RGS22: variants seen among roughly 807,000 people sequenced by gnomAD.
RGS22 encodes the protein regulator of G protein signaling 22, also known as regulator of G-protein signaling 22.
In RGS22, 148 loss-of-function variants were observed where a neutral mutation model predicts 172.9. The observed-to-expected ratio is 0.86, with a 90% CI of 0.75 to 0.98. The LOEUF is 0.98. Among genes scored for constraint, RGS22 ranks in the 50% least tolerant of loss-of-function variants. The pLI is 0.00. For missense variants in RGS22, 1,347 were observed against 1,440.8 expected, an observed-to-expected ratio of 0.93 and a Z score of 1.05; for synonymous variants, 458 against 480.2, an observed-to-expected ratio of 0.95 and a Z score of 0.60.
At chr8:100,068,299 G>C (rs1031070580) in intron 6 of RGS22, among the ~76,000 whole-genome samples, 3 of 151,986 alleles carry the variant, frequency 2.0e-5, no homozygotes, top group Admixed American at 6.6e-5. Context: ...CGGGAGAATC[G>C]CTTGAGCCAG....
At chr8:100,076,725 G>A (rs1472995122) in intron 4 of RGS22, among the ~76,000 whole-genome samples, 2 of 152,294 alleles carry the variant, frequency 1.3e-5, no homozygotes, top group South Asian at 4.1e-4. Flanking sequence ...GGGCACGGTG[G>A]TTCATCCCTG....
chr8:100,099,315 T>C (rs912345038), intron 2 of RGS22, among the ~76,000 whole-genome samples: 1 of 152,162 alleles, frequency 6.6e-6, no homozygotes, highest in African/African-American at 2.4e-5. Context: ...TAAGGCTTTC[T>C]CCTTGTACAA....
chr8:100,060,961 A>G (rs1810087531), intron 9 of RGS22, among the ~76,000 whole-genome samples: 1 of 152,218 alleles, frequency 6.6e-6, no homozygotes, highest in African/African-American at 2.4e-5. Flanking sequence ...TACTGGTACA[A>G]TAACAGACAC....
rs967341369 is a variant in RGS22, at chr8:100,086,161, T to C, written c.118-5806A>G. On this transcript the variant is annotated intron_variant, in intron 3 of 27. Transcript: ENST00000360863. ...AGATAAAGGAGCATGACACCTACCA[T>C]GTACCCACAAAAATTAAAAATAAAA... Among the ~76,000 whole-genome samples, 106 of 152,084 alleles carry C rather than the reference T, an allele frequency of 7.0e-4. 1 individual carries two copies. The highest frequency in any genetic ancestry group is 2.3e-3 in the African/African-American group (94 of 41,508).
At chr8:99,995,716 A>C (rs544766782) in intron 20 of RGS22, among the ~76,000 whole-genome samples, 2 of 152,342 alleles carry the variant, frequency 1.3e-5, no homozygotes, top group East Asian at 3.9e-4. Flanking sequence ...TTCCTCAAGG[A>C]TCTAGAACTA....
chr8:100,104,988 T>G (rs1813809530), intron 2 of RGS22, among the ~76,000 whole-genome samples: 1 of 152,242 alleles, frequency 6.6e-6, no homozygotes, highest in Non-Finnish European at 1.5e-5. Context: ...AAAGGAATGA[T>G]AAATTGACCA....
rs185959379 is a variant in RGS22, at chr8:100,080,144, T to C, written c.329A>G (p.Tyr110Cys). 2.3e-5 allele frequency: 37 copies of C among 1,590,826 alleles called. No homozygotes were observed. The Admixed American group carries it at 4.9e-4, about 21-fold the overall frequency. The change falls in exon 4 of 28, where the codon TAC becomes TGC. Residue 110 changes from tyrosine (Y) to cysteine (C), a missense_variant. By Grantham distance (194) the Tyr-to-Cys change is radical. Transcript: ENST00000360863. ...PDEDETINVN[Y>C]NIMCLSREEG... ...AGTATACTTTCTTACCATAATATTG[T>C]AGTTGACATTAATGGTCTCATCTTC...
chr8:100,051,969 TTATATATAAATGTTTA>T (rs1821610284), intron 10 of RGS22, among the ~76,000 whole-genome samples: 2 of 62,492 alleles, frequency 3.2e-5, no homozygotes, highest in East Asian at 1.1e-3. Context: ...TTATATATAT[TTATATATAAATGTTTA>T]TATATATTTA....
chr8:100,000,077 C>T (rs958403535), intron 18 of RGS22, among the ~76,000 whole-genome samples: 1 of 152,106 alleles, frequency 6.6e-6, no homozygotes, highest in African/African-American at 2.4e-5. Context: ...TTGTAAAACA[C>T]AACTTCTTTG....
rs1182024171 is a variant in RGS22 at position 99,983,196 on chromosome 8, A to G, written c.3181-1080T>C. On this transcript the variant is annotated intron_variant, in intron 21 of 27. Transcript: ENST00000360863. ...TATATGTACCACATTTTCTTTATCA[A>G]TCTACTACTGATGGGCACCTGGGTT... Among the ~76,000 whole-genome samples the G allele has an allele frequency of 4.6e-5, 7 of 152,138 alleles. No individual in the cohort carries two copies. In the South Asian group the frequency reaches 8.3e-4, roughly 18 times the overall value.
At chr8:100,039,514 T>C (rs547441207) in intron 13 of RGS22, among the ~76,000 whole-genome samples, 88 of 151,992 alleles carry the variant, frequency 5.8e-4, no homozygotes, top group Admixed American at 4.5e-3. Flanking sequence ...GTAGCTGGGA[T>C]TACAGGCATG....
In RGS22 at chr8:99,994,061, G is replaced by A. The variant is rs541750295; in HGVS notation, c.3018+2401C>T. ...GCAGAAAAGGCCTTCAACAAATTCAGCAACCCTTCATGCTAAAAACTCTCA... is the reference window on the plus strand; with the variant it reads ...GCAGAAAAGGCCTTCAACAAATTCAACAACCCTTCATGCTAAAAACTCTCA... On this transcript the variant is annotated intron_variant, in intron 20 of 27. Coordinates refer to ENST00000360863, the MANE Select transcript of RGS22 (RefSeq NM_015668.5). 3.7e-3 allele frequency among the ~76,000 whole-genome samples: 566 copies of A among 152,110 alleles called. 4 individuals carry two copies. Among genetic ancestry groups the A allele is most frequent in the Middle Eastern group, 0.014 (4 of 294 alleles).
chr8:99,983,121 T>C (rs534846214), intron 21 of RGS22, among the ~76,000 whole-genome samples: 6 of 152,212 alleles, frequency 3.9e-5, no homozygotes, highest in Non-Finnish European at 8.8e-5. Flanking sequence ...CCCACACTGC[T>C]GCAAAGGACA....
chr8:100,101,346 G>A (rs2132055729), intron 2 of RGS22, among the ~76,000 whole-genome samples: 1 of 151,018 alleles, frequency 6.6e-6, no homozygotes, highest in South Asian at 2.1e-4. Context: ...GAGTGTGGTG[G>A]CGTGATCTCA....
In RGS22 at chr8:100,028,619, G is replaced by A. The variant is rs3133688; in HGVS notation, c.2166+10312C>T. ...TTGTCTAATTTCTCATCTTGGAAAT[G>A]ATTACAAAATGTGCCTACCAGAAAC... On this transcript the variant is annotated intron_variant, in intron 14 of 27. Transcript: ENST00000360863. 1.6e-3 allele frequency among the ~76,000 whole-genome samples: 236 copies of A among 152,242 alleles called. 3 individuals carry two copies. In the East Asian group the frequency reaches 0.027, roughly 17 times the overall value.
At chr8:100,051,096 C>T (rs980856094) in intron 10 of RGS22, among the ~76,000 whole-genome samples, 2 of 151,542 alleles carry the variant, frequency 1.3e-5, no homozygotes, top group East Asian at 1.9e-4. Flanking sequence ...GATTAAGTGG[C>T]ACTTGAGCAG....
At chr8:100,054,636 G>A (rs1421330345) in intron 9 of RGS22, among the ~76,000 whole-genome samples, 1 of 151,826 alleles carries the variant, frequency 6.6e-6, no homozygotes, top group Non-Finnish European at 1.5e-5. Context: ...GGAAAAAGAT[G>A]GATATCTCTC....
intron 18 of RGS22, among the ~76,000 whole-genome samples, chr8:100,001,438 T>C (rs948586183): frequency 5.3e-5 from 8 of 151,706 alleles, no homozygotes; most frequent in Admixed American, 2.0e-4. Context: ...GATTTCACCA[T>C]GGCCAGGCTG....
chr8:99,979,487 T>C (rs1228554161), intron 22 of RGS22, among the ~76,000 whole-genome samples: 1 of 152,152 alleles, frequency 6.6e-6, no homozygotes, highest in Admixed American at 6.6e-5. Context: ...TTTTAATAAA[T>C]ATAGAGCTAC....
Sources: gnomAD v4.1 joint callset for allele counts (sites outside exome capture counted in the v4.1 genomes callset) on GRCh38, gnomAD v4.1.1 for gene constraint, MANE v1.5 for transcripts, NCBI Gene and HGNC (gene_info 2026-07-23, HGNC 2026-07-21) for gene names.